Variants in DOCK4 observed in about 807,000 individuals in gnomAD.
DOCK4 encodes dedicator of cytokinesis 4.
A neutral mutation model predicts 268.1 loss-of-function variants in DOCK4; 97 were observed. That is an observed-to-expected ratio of 0.36 (90% CI 0.31 to 0.43). The LOEUF is 0.43. Among genes scored for constraint, DOCK4 ranks in the 20% least tolerant of loss-of-function variants. The pLI, the probability that DOCK4 is intolerant of heterozygous loss-of-function variation, is 1.00. For synonymous variants in DOCK4, 954 were observed against 887.2 expected, an observed-to-expected ratio of 1.08 and a Z score of -1.34; for missense variants, 2,145 against 2,455.7, an observed-to-expected ratio of 0.87 and a Z score of 2.67.
At chr7:112,075,782 A>T (rs540926123) in intron 1 of DOCK4, among the ~76,000 whole-genome samples, 83 of 145,458 alleles carry the variant, frequency 5.7e-4, no homozygotes, top group Middle Eastern at 7.1e-3. Flanking sequence ...GTCCTTATTT[A>T]AAAAAAAAAA....
chr7:111,991,959 T>A (rs1261043059), intron 5 of DOCK4, among the ~76,000 whole-genome samples: 1 of 46,016 alleles, frequency 2.2e-5, no homozygotes, highest in Non-Finnish European at 3.3e-5. Context: ...AGACTCTGTC[T>A]CCAAAAAAAA....
chr7:111,741,659 C>T lies in DOCK4; in HGVS notation c.4800G>A (p.Glu1600=). Residue 1600 remains glutamate (E), a splice_region_variant and synonymous_variant, in exon 46 of 53, where the codon GAG becomes GAA. Coordinates refer to ENST00000428084, the MANE Select transcript of DOCK4 (RefSeq NM_001363540.2). The stretch of plus-strand genomic sequence containing the variant: ...GACTGGCTTGCATACAAGCAGAGAA[C>T]TCCTAAAGATGTAGTAAAGGAAATA... ...FVMKSSLGIQ[E]FSACMQASPV... 1.2e-6 allele frequency: 2 copies of T among 1,611,506 alleles called. No individual in the cohort carries two copies. Among genetic ancestry groups the T allele is most frequent in the Non-Finnish European group, 1.7e-6 (2 of 1,179,238 alleles).
At chr7:112,104,510 A>G (rs989601263) in intron 1 of DOCK4, among the ~76,000 whole-genome samples, 7 of 152,210 alleles carry the variant, frequency 4.6e-5, no homozygotes, top group Non-Finnish European at 8.8e-5. Flanking sequence ...CTCTGATTGC[A>G]AGGTAAGCGC....
intron 1 of DOCK4, among the ~76,000 whole-genome samples, chr7:112,153,294 C>T (rs1816277086): frequency 6.6e-6 from 1 of 152,012 alleles, no homozygotes; most frequent in Non-Finnish European, 1.5e-5. Flanking sequence ...TTTAAAATAG[C>T]CATTTAAAAA....
At chr7:111,842,605 C>T (rs926889793) in intron 25 of DOCK4, among the ~76,000 whole-genome samples, 6 of 152,188 alleles carry the variant, frequency 3.9e-5, no homozygotes, top group Non-Finnish European at 7.3e-5. Flanking sequence ...TTCATACCCA[C>T]GAGTCAGTGT....
chr7:112,108,235 C>T (rs1032583183), intron 1 of DOCK4, among the ~76,000 whole-genome samples: 6 of 152,042 alleles, frequency 3.9e-5, no homozygotes, highest in African/African-American at 1.2e-4. Flanking sequence ...AAAATAAATA[C>T]CACTCTCTAA....
chr7:112,114,067 T>C (rs183408180), intron 1 of DOCK4, among the ~76,000 whole-genome samples: 6 of 152,296 alleles, frequency 3.9e-5, no homozygotes, highest in Non-Finnish European at 7.4e-5. Context: ...GCTATGGTTT[T>C]TGGCTTTTCT....
chr7:112,202,133 A>G (rs530510055), intron 1 of DOCK4, among the ~76,000 whole-genome samples: 2 of 152,346 alleles, frequency 1.3e-5, no homozygotes, highest in African/African-American at 2.4e-5. Flanking sequence ...CATTTTGAGA[A>G]CTGCTTCAAT....
chr7:111,940,195 G>A lies in DOCK4; in HGVS notation c.892C>T (p.Arg298Ter), dbSNP rs1413830150. The A allele has an allele frequency of 1.2e-6, 2 of 1,613,980 alleles. No homozygotes were observed. Among genetic ancestry groups the A allele is most frequent in the Non-Finnish European group, 1.7e-6 (2 of 1,179,890 alleles). ...EKKNACSVQY[R>*]RPFGCAVLSI... is the part of the protein sequence containing the mutation. ...AGAACTGCACAGCCAAAGGGTCGTC[G>A]GTACTGGACACTACAGGCATTCTTT... The change falls in exon 11 of 53, where the codon CGA (arginine) becomes TGA (stop). Residue 298 changes from arginine to a stop codon, truncating the protein, a stop_gained. Coordinates refer to ENST00000428084, the MANE Select transcript of DOCK4 (RefSeq NM_001363540.2). LOFTEE classifies it high-confidence loss of function.
chr7:111,905,257 G>C (rs1228287812), intron 13 of DOCK4, among the ~76,000 whole-genome samples: 1 of 152,316 alleles, frequency 6.6e-6, no homozygotes, highest in South Asian at 2.1e-4. Flanking sequence ...CATCAAGTCA[G>C]TATGAAATGG....
chr7:112,163,347 G>C (rs867440548), intron 1 of DOCK4, among the ~76,000 whole-genome samples: 1 of 151,948 alleles, frequency 6.6e-6, no homozygotes, highest in Non-Finnish European at 1.5e-5. Flanking sequence ...GGCCAACAAG[G>C]CATCTTTGTT....
At chr7:111,817,931 T>G (rs1457757229) in intron 27 of DOCK4, among the ~76,000 whole-genome samples, 1 of 152,144 alleles carries the variant, frequency 6.6e-6, no homozygotes, top group Non-Finnish European at 1.5e-5. Flanking sequence ...AAACAACACT[T>G]GTCATGGTCA....
intron 30 of DOCK4, among the ~76,000 whole-genome samples, chr7:111,800,980 G>A (rs1280291914): frequency 2.0e-5 from 3 of 152,100 alleles, no homozygotes; most frequent in African/African-American, 2.4e-5. Context: ...AAAAGCAACC[G>A]CCCGAAACAT....
At chr7:112,001,983 G>C (rs1342359859) in intron 2 of DOCK4, among the ~76,000 whole-genome samples, 1 of 152,074 alleles carries the variant, frequency 6.6e-6, no homozygotes, top group Non-Finnish European at 1.5e-5. Context: ...CAAGTGTAAA[G>C]ACCATTTTGC....
intron 1 of DOCK4, among the ~76,000 whole-genome samples, chr7:112,195,226 C>G (rs921644278): frequency 2.6e-5 from 4 of 152,134 alleles, no homozygotes; most frequent in African/African-American, 4.8e-5. Flanking sequence ...TTGTAGTGAG[C>G]CAAAATTGTG....
chr7:111,826,703 G>A (rs60076433), intron 26 of DOCK4, among the ~76,000 whole-genome samples: 9,569 of 151,926 alleles, frequency 0.063, 952 homozygotes, highest in African/African-American at 0.21. Context: ...ACATAAAAAT[G>A]GGAACAGACA....
intron 8 of DOCK4, among the ~76,000 whole-genome samples, chr7:111,952,840 T>A (rs1455033285): frequency 1.3e-5 from 2 of 151,976 alleles, no homozygotes; most frequent in Non-Finnish European, 2.9e-5. Flanking sequence ...ACAACTGTCA[T>A]TTTTTTTATA....
chr7:112,135,500 T>TA (rs959414092), intron 1 of DOCK4, among the ~76,000 whole-genome samples: 1 of 152,158 alleles, frequency 6.6e-6, no homozygotes, highest in African/African-American at 2.4e-5. Context: ...ACTTATTTAT[T>TA]AAATTTTATT....
At chr7:111,736,218 C>A (rs1034316313) in intron 50 of DOCK4, among the ~76,000 whole-genome samples, 1 of 152,120 alleles carries the variant, frequency 6.6e-6, no homozygotes, top group Non-Finnish European at 1.5e-5. Flanking sequence ...ATTTCATTAA[C>A]GACTCTTGAT....
Sources: gnomAD v4.1 joint callset for allele counts (sites outside exome capture counted in the v4.1 genomes callset) on GRCh38, gnomAD v4.1.1 for gene constraint, MANE v1.5 for transcripts, NCBI Gene and HGNC (gene_info 2026-07-23, HGNC 2026-07-21) for gene names.